The following GRAMD4 variants were observed in gnomAD, a reference collection of about 807,000 sequenced individuals.
GRAMD4 encodes GRAM domain-containing protein 4.
GRAMD4 carries 25 observed loss-of-function variants against 83.9 expected under a neutral mutation model. The observed-to-expected ratio is 0.30, with a 90% CI of 0.22 to 0.42. The LOEUF (loss-of-function observed/expected upper bound fraction) is 0.42, where lower values mean the gene tolerates loss of function less well. Ranked by LOEUF, GRAMD4 falls within the 10% of genes least tolerant of loss-of-function variation. GRAMD4 has a pLI of 1.00. For synonymous variants in GRAMD4, 336 were observed against 320.9 expected (o/e 1.05, Z -0.50); for missense variants, 593 against 788.7 (o/e 0.75, Z 2.97).
chr22:46,602,556 G>C (rs2081321487), intron 1 of GRAMD4, among the ~76,000 whole-genome samples: 1 of 151,992 alleles, frequency 6.6e-6, no homozygotes, highest in South Asian at 2.1e-4. Context: ...TCAGCAACTT[G>C]GGAGGCTGAG....
chr22:46,604,515 C>A (rs1000926855), intron 1 of GRAMD4, among the ~76,000 whole-genome samples: 2 of 152,188 alleles, frequency 1.3e-5, no homozygotes, highest in Admixed American at 6.5e-5. Flanking sequence ...CTGATCTTCC[C>A]CAACCGAAAC....
At chr22:46,660,809 A>C (rs553467069) in intron 4 of GRAMD4, among the ~76,000 whole-genome samples, 35 of 152,112 alleles carry the variant, frequency 2.3e-4, no homozygotes, top group African/African-American at 7.5e-4. Context: ...AAGAGTTAGG[A>C]AGGTTAGGGG....
chr22:46,653,859 C>T lies in GRAMD4; in HGVS notation c.284-4328C>T, dbSNP rs980237641. ...GGCCTACTCCGCCCAAGAGGCCTGCCGGGAGCAAGCCTGCCCAGTGTGACT... is the reference window on the plus strand; with the variant it reads ...GGCCTACTCCGCCCAAGAGGCCTGCTGGGAGCAAGCCTGCCCAGTGTGACT... On this transcript the variant is annotated intron_variant, in intron 3 of 18. Transcript: ENST00000406902. 6.6e-5 allele frequency among the ~76,000 whole-genome samples: 10 copies of T among 152,228 alleles called. No homozygotes were observed. In the East Asian group the frequency reaches 7.7e-4, roughly 12 times the overall value.
At chr22:46,653,241 C>T (rs2748350) in intron 3 of GRAMD4, among the ~76,000 whole-genome samples, 1 of 152,082 alleles carries the variant, frequency 6.6e-6, no homozygotes, top group South Asian at 2.1e-4. Context: ...CCGCCCGCTG[C>T]CCCGGGAGCC....
In GRAMD4 at chr22:46,668,832, G is replaced by C; in HGVS notation, c.1008G>C (p.Gln336His). ...TGTGGGTCCAGCCGGAGATCACACA[G>C]AAGCTGTATGTGGCGCTCTGGGCTG... is the stretch of plus-strand genomic sequence containing the variant. ...LFMWVQPEIT[Q>H]KLYVALWAAF... is the part of the protein sequence containing the mutation. Residue 336 changes from glutamine to histidine, a missense_variant, in exon 13 of 19, where the codon CAG (glutamine) becomes CAC (histidine). Gln to His is a conservative substitution (Grantham distance 24). This residue lies in a region of GRAMD4 where 171 missense variants were observed against 199.6 expected (regional missense o/e 0.86). Coordinates refer to ENST00000406902, the MANE Select transcript of GRAMD4 (RefSeq NM_015124.5). 1.9e-6 allele frequency: 3 copies of C among 1,612,572 alleles called. No homozygotes were observed. The highest frequency in any genetic ancestry group is 2.5e-6 in the Non-Finnish European group (3 of 1,179,468).
intron 1 of GRAMD4, among the ~76,000 whole-genome samples, chr22:46,610,225 TAAAG>T (rs2081403963): frequency 6.6e-6 from 1 of 152,194 alleles, no homozygotes; most frequent in Non-Finnish European, 1.5e-5. Context: ...GCGGGCCACT[TAAAG>T]GAGCACGTGC....
chr22:46,625,684 G>T (rs1432595394), intron 1 of GRAMD4, among the ~76,000 whole-genome samples: 1 of 152,234 alleles, frequency 6.6e-6, no homozygotes, highest in African/African-American at 2.4e-5. Flanking sequence ...CGGGGTTTTG[G>T]GAGAGGCATC....
chr22:46,590,089 C>T (rs2081192156), intron 1 of GRAMD4, among the ~76,000 whole-genome samples: 1 of 152,190 alleles, frequency 6.6e-6, no homozygotes, highest in South Asian at 2.1e-4. Context: ...CTACTGTTGG[C>T]CCGGGTGGGC....
chr22:46,593,249 G>A (rs2081227812), intron 1 of GRAMD4, among the ~76,000 whole-genome samples: 2 of 152,016 alleles, frequency 1.3e-5, no homozygotes, highest in South Asian at 2.1e-4. Flanking sequence ...GAACCATCAC[G>A]GGATTCTCCC....
At chr22:46,615,055 A>G (rs1477815456) in intron 1 of GRAMD4, among the ~76,000 whole-genome samples, 4 of 25,498 alleles carry the variant, frequency 1.6e-4, no homozygotes, top group Non-Finnish European at 3.3e-4. Flanking sequence ...CTGTGCGTGT[A>G]GGTTCCCCCG....
At chr22:46,593,464 C>T (rs1333541711) in intron 1 of GRAMD4, among the ~76,000 whole-genome samples, 2 of 152,170 alleles carry the variant, frequency 1.3e-5, no homozygotes, top group Admixed American at 6.5e-5. Context: ...CAGGTGGGAC[C>T]GCCCCCCAAC....
intron 3 of GRAMD4, among the ~76,000 whole-genome samples, chr22:46,639,334 G>A (rs1458209360): frequency 1.3e-5 from 1 of 79,110 alleles, no homozygotes; most frequent in Non-Finnish European, 3.0e-5. Flanking sequence ...GTGTGCACGT[G>A]TGTGGTGGTT....
In GRAMD4 at chr22:46,622,111, G is replaced by A. The variant is rs2081584482; in HGVS notation, c.-50+1546G>A. On this transcript the variant is annotated intron_variant, in intron 1 of 18. Coordinates refer to ENST00000406902, the MANE Select transcript of GRAMD4 (RefSeq NM_015124.5). This position sits in a 1 kb window ranked among gnomAD's most constrained non-coding sequence, Gnocchi z 4.0. ...CATTGCATTCTGATGGTGACAGGCG[G>A]GACACTCAGGGCCTTTGTCCCCTCT... Among the ~76,000 whole-genome samples the A allele has an allele frequency of 6.6e-6, 1 of 152,176 alleles. No individual in the cohort carries two copies. The highest frequency in any genetic ancestry group is 1.5e-5 in the Non-Finnish European group (1 of 68,034).
At chr22:46,627,786 G>A (rs919515273) in intron 2 of GRAMD4, among the ~76,000 whole-genome samples, 2 of 152,240 alleles carry the variant, frequency 1.3e-5, no homozygotes, top group African/African-American at 4.8e-5. Flanking sequence ...GTGACTGTGC[G>A]TTGCTTTCAG....
chr22:46,639,532 C>CTG (rs146592419), intron 3 of GRAMD4, among the ~76,000 whole-genome samples: 6 of 146,894 alleles, frequency 4.1e-5, no homozygotes, highest in African/African-American at 1.0e-4. Flanking sequence ...GTAGTTAACC[C>CTG]TGTGTGTGTG....
chr22:46,635,040 C>G (rs950677484), intron 2 of GRAMD4, among the ~76,000 whole-genome samples: 3 of 151,736 alleles, frequency 2.0e-5, no homozygotes, highest in African/African-American at 7.3e-5. Flanking sequence ...AAGTGTCCTT[C>G]GTCCCTTTGT....
At chr22:46,612,649 A>G (rs563449219) in intron 1 of GRAMD4, among the ~76,000 whole-genome samples, 1 of 152,162 alleles carries the variant, frequency 6.6e-6, no homozygotes, top group Admixed American at 6.5e-5. Context: ...TGCTACCTCT[A>G]CCTAAAGACC....
At position 46,620,769 on chromosome 22, in the gene GRAMD4, G is replaced by A. The variant is rs1159108371; in HGVS notation, c.-50+204G>A. Among the ~76,000 whole-genome samples the A allele has an allele frequency of 1.3e-5, 2 of 152,198 alleles. No homozygotes were observed. The highest frequency in any genetic ancestry group is 6.5e-5 in the Admixed American group (1 of 15,288). ...CACCGGTAAAGCACCTGCGCAGCCC[G>A]GGGCCAGGGGTCCAGTGAGGAAGGG... On this transcript the variant is annotated intron_variant, in intron 1 of 18. Transcript: ENST00000406902. The surrounding 1 kb of genome is among the most constrained non-coding windows in gnomAD (Gnocchi z 4.7).
intron 3 of GRAMD4, among the ~76,000 whole-genome samples, chr22:46,644,716 T>G (rs1179260022): frequency 8.3e-5 from 7 of 84,474 alleles, no homozygotes; most frequent in African/African-American, 2.1e-4. Flanking sequence ...TTTTTTTTTT[T>G]TTTTTTTTTT....
Sources: allele counts gnomAD v4.1 joint callset (sites outside exome capture counted in the v4.1 genomes callset), GRCh38; gene constraint gnomAD v4.1.1; regional missense constraint gnomAD v4.1.1; non-coding constraint Gnocchi (gnomAD v3.1); transcripts MANE v1.5; gene names NCBI Gene and HGNC (gene_info 2026-07-23, HGNC 2026-07-21).